Variants in ICAM5 observed in about 807,000 individuals in gnomAD.
ICAM5 encodes ICAM-5.
Under a neutral mutation model 78.8 loss-of-function variants are expected in ICAM5, and 38 were observed. The ratio of observed to expected loss-of-function variants is 0.48; its 90% CI spans 0.37 to 0.63. The LOEUF (loss-of-function observed/expected upper bound fraction) is 0.63. Among genes scored for constraint, ICAM5 ranks in the 30% least tolerant of loss-of-function variants. The pLI is 0.00. For synonymous variants in ICAM5, 544 were observed against 590.9 expected, an observed-to-expected ratio of 0.92 and a Z score of 1.15; for missense variants, 1,059 against 1,303.0, an observed-to-expected ratio of 0.81 and a Z score of 2.88.
intron 10 of ICAM5, 39 bp downstream of exon 10, chr19:10,295,651 A>T (rs1324556419): frequency 1.9e-5 from 29 of 1,517,572 alleles, no homozygotes; most frequent in Non-Finnish European, 2.5e-5. Flanking sequence ...GAGGTATCTG[A>T]GAGGGGGCGT....
chr19:10,290,931 G>T lies in ICAM5; in HGVS notation c.83-141G>T. ...CGCCTTTAAACCGGAGGCCTGGGCAGGACGCGGGACGCCTGGGTTCTTTCC... is the reference window on the plus strand; with the variant it reads ...CGCCTTTAAACCGGAGGCCTGGGCATGACGCGGGACGCCTGGGTTCTTTCC... On this transcript the variant is annotated intron_variant, in intron 1 of 10. Transcript: ENST00000221980. The surrounding 1 kb of genome is among the most constrained non-coding windows in gnomAD (Gnocchi z 5.7). The T allele has an allele frequency of 8.8e-7, 1 of 1,131,326 alleles. No individual in the cohort carries two copies. The highest frequency in any genetic ancestry group is 1.6e-5 in the South Asian group (1 of 61,730). 70.1% of individuals were successfully genotyped at this position (1,131,326 alleles called of 1,614,324 possible).
chr19:10,292,538 G>T, intron 4 of ICAM5, 74 bp from the exon 5 acceptor site: 1 of 1,506,292 alleles, frequency 6.6e-7, no homozygotes, highest in East Asian at 2.3e-5. Context: ...CGAGGATTCG[G>T]GCAGATAAGG....
At position 10,294,407 on chromosome 19, in the gene ICAM5, C is replaced by T; in HGVS notation, c.1997C>T (p.Pro666Leu). The change falls in exon 9 of 11, where the codon CCG becomes CTG. Residue 666 changes from proline to leucine, a missense_variant. Transcript: ENST00000221980. The surrounding 1 kb of genome is among the most constrained non-coding windows in gnomAD (Gnocchi z 7.7). ...KTVVVSAESP[P>L]EMDESTCPSH... ...CCCCATGGCTGCTTTGCAGCGCCAC[C>T]GGAGATGGATGAATCTACCTGCCCA... The T allele has an allele frequency of 6.2e-7, 1 of 1,612,882 alleles. No homozygotes were observed. Among genetic ancestry groups the T allele is most frequent in the Middle Eastern group, 1.7e-4 (1 of 6,054 alleles).
Position 10,292,338 on chromosome 19 carries a change from G to C in ICAM5, c.961+16G>C. On this transcript the variant is annotated intron_variant, in intron 4 of 10. Coordinates refer to ENST00000221980, the MANE Select transcript of ICAM5 (RefSeq NM_003259.4). ...ACCATCTACAGTAAGGAAGGAGGCG[G>C]GGTCTCCGCGGCTCCGAGGTGGGAC... 2 of 1,568,580 alleles carry C rather than the reference G, an allele frequency of 1.3e-6. No individual in the cohort carries two copies. Among genetic ancestry groups the C allele is most frequent in the Non-Finnish European group, 1.7e-6 (2 of 1,159,172 alleles).
rs1478698258 is a variant in ICAM5, at chr19:10,293,918, CA to C, written c.1691del (p.Asn564MetfsTer43). ...EATNPRGSAA[K>X]NVAVTVEYGP... ...CCACCAACCCTCGGGGCTCTGCGGC[CA>C]AAAATGTGGCCGTCACGGTGGAATG... On this transcript the variant is annotated frameshift_variant, in exon 7 of 11. Coordinates refer to ENST00000221980, the MANE Select transcript of ICAM5 (RefSeq NM_003259.4). LOFTEE classifies it high-confidence loss of function. The surrounding 1 kb of genome is among the most constrained non-coding windows in gnomAD (Gnocchi z 5.0). 4 of 1,611,850 alleles carry C rather than the reference CA, an allele frequency of 2.5e-6. No individual in the cohort carries two copies.
chr19:10,290,868 G>T lies in ICAM5; in HGVS notation c.83-204G>T. Reference sequence around the variant, plus strand: ...GGAGACCATGGCTCTCTGCTACCACGTCCCAGAGACACCCTCGAGGTTTAG... The same window carrying T: ...GGAGACCATGGCTCTCTGCTACCACTTCCCAGAGACACCCTCGAGGTTTAG... On this transcript the variant is annotated intron_variant, in intron 1 of 10. Coordinates refer to ENST00000221980, the MANE Select transcript of ICAM5 (RefSeq NM_003259.4). This position sits in a 1 kb window ranked among gnomAD's most constrained non-coding sequence, Gnocchi z 5.7. 1.5e-6 allele frequency: 1 copy of T among 647,954 alleles called. No homozygotes were observed. The highest frequency in any genetic ancestry group is 2.8e-5 in the East Asian group (1 of 36,118). 40.1% of individuals were successfully genotyped at this position (647,954 alleles called of 1,614,324 possible). A position where few individuals can be genotyped will look rare whatever the true frequency, so the allele number is the denominator to read the frequency against.
rs750540023 is a variant in ICAM5, at chr19:10,292,276, C to A, written c.915C>A (p.Thr305=). ...CCAGGCAGCTGGTCTGCAACGTCACCCTGGGGGGCGAAAACCGGGAGACCC... is the reference window on the plus strand; with the variant it reads ...CCAGGCAGCTGGTCTGCAACGTCACACTGGGGGGCGAAAACCGGGAGACCC... The part of the protein sequence containing the change: ...EGARQLVCNV[T]LGGENRETRE... The change falls in exon 4 of 11, where the codon ACC becomes ACA. Residue 305 remains threonine, a synonymous_variant. Coordinates refer to ENST00000221980, the MANE Select transcript of ICAM5 (RefSeq NM_003259.4). 1.2e-5 allele frequency: 19 copies of A among 1,612,096 alleles called. No homozygotes were observed. The highest frequency in any genetic ancestry group is 1.7e-5 in the Admixed American group (1 of 59,938).
In ICAM5 at chr19:10,294,666, G is replaced by A. The variant is rs367615849; in HGVS notation, c.2230+26G>A. ...GTGAGTGGGGGCAGCACCGGATGGA[G>A]GGGACACGGTCCTCGGAAGAATGAC... On this transcript the variant is annotated intron_variant, in intron 9 of 10. Coordinates refer to ENST00000221980, the MANE Select transcript of ICAM5 (RefSeq NM_003259.4). This position sits in a 1 kb window ranked among gnomAD's most constrained non-coding sequence, Gnocchi z 7.7. The A allele has an allele frequency of 1.9e-6, 3 of 1,612,106 alleles. No individual in the cohort carries two copies. Among genetic ancestry groups the A allele is most frequent in the Non-Finnish European group, 2.5e-6 (3 of 1,179,726 alleles).
chr19:10,292,527 C>G lies in ICAM5; in HGVS notation c.962-85C>G, dbSNP rs2040182697. On this transcript the variant is annotated intron_variant, in intron 4 of 10. Coordinates refer to ENST00000221980, the MANE Select transcript of ICAM5 (RefSeq NM_003259.4). ...CGTACCCTAGTTCGTTCTCAGCACC[C>G]CGAGGATTCGGGCAGATAAGGGGCG... is the stretch of plus-strand genomic sequence containing the variant. The G allele has an allele frequency of 2.7e-6, 4 of 1,497,414 alleles. No individual in the cohort carries two copies. In the South Asian group the frequency reaches 5.3e-5, roughly 20 times the overall value. 92.8% of individuals were successfully genotyped at this position (1,497,414 alleles called of 1,614,324 possible).
Position 10,290,725 on chromosome 19 carries a change from T to C in ICAM5, c.83-347T>C, listed in dbSNP as rs991770562. ...TGCCAGGACCCTGAGAACTGGTTCA[T>C]CCCCCATCCCCCATCCCGGGTCCCC... On this transcript the variant is annotated intron_variant, in intron 1 of 10. Coordinates refer to ENST00000221980, the MANE Select transcript of ICAM5 (RefSeq NM_003259.4). This position sits in a 1 kb window ranked among gnomAD's most constrained non-coding sequence, Gnocchi z 5.7. 2 of 388,166 alleles carry C rather than the reference T, an allele frequency of 5.2e-6. No individual in the cohort carries two copies. The highest frequency in any genetic ancestry group is 4.6e-5 in the South Asian group (1 of 21,824). The allele number at this position is 388,166 out of a possible 1,614,324, so 24.0% of individuals were successfully genotyped here. A position where few individuals can be genotyped will look rare whatever the true frequency, so the allele number is the denominator to read the frequency against.
chr19:10,293,074 C>G lies in ICAM5; in HGVS notation c.1293C>G (p.Cys431Trp). Residue 431 changes from cysteine (C) to tryptophan (W), a missense_variant, in exon 6 of 11, where the codon TGC (cysteine) becomes TGG (tryptophan). Transcript: ENST00000221980. This position sits in a 1 kb window ranked among gnomAD's most constrained non-coding sequence, Gnocchi z 5.0. ...AGGGCCCAGAGCAGACGCTGCGCTG[C>G]GAGGCCCGCGGGAACCCAGAACCCT... ...WPEGPEQTLR[C>W]EARGNPEPSV... 6.2e-7 allele frequency: 1 copy of G among 1,610,086 alleles called. No homozygotes were observed. Among genetic ancestry groups the G allele is most frequent in the Non-Finnish European group, 8.5e-7 (1 of 1,179,750 alleles).
chr19:10,294,306 G>T lies in ICAM5; in HGVS notation c.1978G>T (p.Val660Leu), dbSNP rs1361477452. ...CGGCTCCGTGGCCAAAACAGTCGTC[G>T]TGAGCGCGGAGTGTGAGCGAGGCCC... is the stretch of plus-strand genomic sequence containing the variant. ...RHGSVAKTVVVSAESPPEMDE... is the reference protein window; with the variant it reads ...RHGSVAKTVVLSAESPPEMDE... The change falls in exon 8 of 11, where the codon GTG becomes TTG. Residue 660 changes from valine (V) to leucine (L), a missense_variant. Coordinates refer to ENST00000221980, the MANE Select transcript of ICAM5 (RefSeq NM_003259.4). This position sits in a 1 kb window ranked among gnomAD's most constrained non-coding sequence, Gnocchi z 7.7. 1.2e-6 allele frequency: 2 copies of T among 1,613,036 alleles called. No homozygotes were observed. Among genetic ancestry groups the T allele is most frequent in the African/African-American group, 1.3e-5 (1 of 74,988 alleles).
In ICAM5 at chr19:10,290,058, G is replaced by T; in HGVS notation, c.15G>T (p.Ser5=). 1 of 1,541,714 alleles carries T rather than the reference G, an allele frequency of 6.5e-7. No individual in the cohort carries two copies. Among genetic ancestry groups the T allele is most frequent in the Non-Finnish European group, 8.7e-7 (1 of 1,145,088 alleles). Residue 5 remains serine (S), a synonymous_variant, in exon 1 of 11, where the codon TCG becomes TCT. Transcript: ENST00000221980. This position sits in a 1 kb window ranked among gnomAD's most constrained non-coding sequence, Gnocchi z 5.7. ...CCGCCGCGGCGATGCCAGGGCCTTC[G>T]CCAGGGCTGCGCCGGGCGCTACTCG... MPGP[S]PGLRRALLGL... is the part of the protein sequence containing the mutation.
Position 10,289,976 on chromosome 19 carries a change from G to T in ICAM5, c.-68G>T, listed in dbSNP as rs1044562891. ...CACACCCCACCCGCCGCGCCGCGCG[G>T]AGCCGTCCTCTAGCCCAGCTCCTCG... On this transcript the variant is annotated 5_prime_UTR_variant, in exon 1 of 11. Coordinates refer to ENST00000221980, the MANE Select transcript of ICAM5 (RefSeq NM_003259.4). 1.5e-5 allele frequency: 20 copies of T among 1,348,236 alleles called. No individual in the cohort carries two copies. The African/African-American group carries it at 2.8e-4, about 19-fold the overall frequency. 83.5% of individuals were successfully genotyped at this position (1,348,236 alleles called of 1,614,324 possible).
rs1245845365 is a variant in ICAM5, at chr19:10,291,490, G to A, written c.354G>A (p.Gln118=). 1 of 1,612,312 alleles carries A rather than the reference G, an allele frequency of 6.2e-7. No homozygotes were observed. The highest frequency in any genetic ancestry group is 1.1e-5 in the South Asian group (1 of 91,086). ...GCTGCGGACTCTTCCCCCTTGCAGA[G>A]CGACCAGATCGCGTAGAGCTGATGC... The part of the protein sequence containing the change: ...LQARGLIRTF[Q]RPDRVELMPL... The change falls in exon 3 of 11, where the codon CAG becomes CAA. Residue 118 remains glutamine, a splice_region_variant and synonymous_variant. Coordinates refer to ENST00000221980, the MANE Select transcript of ICAM5 (RefSeq NM_003259.4).
intron 3 of ICAM5, 55 bp from the exon 4 acceptor site, chr19:10,291,980 C>T (rs2040176746): frequency 1.3e-6 from 2 of 1,569,680 alleles, no homozygotes; most frequent in Admixed American, 3.4e-5. Flanking sequence ...ATGTCAAGTG[C>T]TTAGGACATA....
Position 10,292,138 on chromosome 19 carries a change from G to A in ICAM5, c.777G>A (p.Glu259=), listed in dbSNP as rs1436062644. The A allele has an allele frequency of 6.2e-7, 1 of 1,613,438 alleles. No homozygotes were observed. Among genetic ancestry groups the A allele is most frequent in the Admixed American group, 1.7e-5 (1 of 60,026 alleles). Reference sequence around the variant, plus strand: ...TGGACGGACTGTTTCCAGCCTCAGAGGCCAGGGTCTACCTCGCACTGGGGG... The same window carrying A: ...TGGACGGACTGTTTCCAGCCTCAGAAGCCAGGGTCTACCTCGCACTGGGGG... The part of the protein sequence containing the change: ...CTLDGLFPAS[E]ARVYLALGDQ... The change falls in exon 4 of 11, where the codon GAG becomes GAA. Residue 259 remains glutamate, a synonymous_variant. Transcript: ENST00000221980.
Position 10,292,099 on chromosome 19 carries a change from C to A in ICAM5, c.738C>A (p.Pro246=). The A allele has an allele frequency of 6.2e-7, 1 of 1,613,342 alleles. No individual in the cohort carries two copies. The highest frequency in any genetic ancestry group is 2.2e-5 in the East Asian group (1 of 44,886). The change falls in exon 4 of 11, where the codon CCC becomes CCA. Residue 246 remains proline (P), a synonymous_variant. Coordinates refer to ENST00000221980, the MANE Select transcript of ICAM5 (RefSeq NM_003259.4). ...PRLLEVGSER[P]VSCTLDGLFP... is the part of the protein sequence containing the mutation. ...TCTTGGAAGTTGGCTCGGAAAGGCC[C>A]GTGAGCTGCACTCTGGACGGACTGT...
chr19:10,290,098 C>T lies in ICAM5; in HGVS notation c.55C>T (p.Leu19=). The T allele has an allele frequency of 6.5e-7, 1 of 1,540,802 alleles. No individual in the cohort carries two copies. The highest frequency in any genetic ancestry group is 8.7e-7 in the Non-Finnish European group (1 of 1,143,216). Residue 19 remains leucine, a synonymous_variant, in exon 1 of 11, where the codon CTG becomes TTG. Coordinates refer to ENST00000221980, the MANE Select transcript of ICAM5 (RefSeq NM_003259.4). This position sits in a 1 kb window ranked among gnomAD's most constrained non-coding sequence, Gnocchi z 5.7. ...RRALLGLWAA[L]GLGLFGLSAV... is the part of the protein sequence containing the mutation. ...GGCGCTACTCGGCCTCTGGGCTGCT[C>T]TGGGCCTGGGGCTCTTCGGCCTCTC...
Sources: gnomAD v4.1 joint callset for allele counts on GRCh38, gnomAD v4.1.1 for gene constraint, Gnocchi (gnomAD v3.1) non-coding constraint, MANE v1.5 for transcripts, NCBI Gene and HGNC (gene_info 2026-07-23, HGNC 2026-07-21) for gene names.